Variants in BTBD9 observed in about 807,000 individuals in gnomAD.
BTBD9 encodes the protein BTB domain containing 9.
Under a neutral mutation model 64.3 loss-of-function variants are expected in BTBD9, and 49 were observed. The observed-to-expected ratio is 0.76, with a 90% CI of 0.61 to 0.97. The LOEUF (loss-of-function observed/expected upper bound fraction) is 0.97, where lower values mean the gene tolerates loss of function less well. Among genes scored for constraint, BTBD9 ranks in the 50% least tolerant of loss-of-function variants. The pLI is 0.00. For synonymous variants in BTBD9, 260 were observed against 274.7 expected (o/e 0.95, Z 0.53); for missense variants, 598 against 762.1 (o/e 0.78, Z 2.53).
chr6:38,469,323 T>G (rs1408718725), intron 6 of BTBD9, among the ~76,000 whole-genome samples: 2 of 47,594 alleles, frequency 4.2e-5, no homozygotes, highest in Non-Finnish European at 1.2e-4. Context: ...TTTTTTTTCC[T>G]TTTTTTTTTT....
At chr6:38,282,994 A>C (rs1020104347) in intron 8 of BTBD9, among the ~76,000 whole-genome samples, 7 of 152,232 alleles carry the variant, frequency 4.6e-5, no homozygotes, top group African/African-American at 1.7e-4. Flanking sequence ...CCATATCCCC[A>C]GTGCCTACAA....
intron 9 of BTBD9, among the ~76,000 whole-genome samples, chr6:38,252,043 T>C (rs1582115946): frequency 6.6e-6 from 1 of 152,186 alleles, no homozygotes; most frequent in East Asian, 1.9e-4. Flanking sequence ...AATGACTGCT[T>C]ATCCTGAAAA....
intron 10 of BTBD9, among the ~76,000 whole-genome samples, chr6:38,186,456 G>C (rs1246275140): frequency 6.6e-6 from 1 of 152,160 alleles, no homozygotes; most frequent in Non-Finnish European, 1.5e-5. Flanking sequence ...TCCTCCATAT[G>C]ACTATAGAAA....
chr6:38,301,339 T>G (rs1454684378), intron 7 of BTBD9, among the ~76,000 whole-genome samples: 1 of 152,226 alleles, frequency 6.6e-6, no homozygotes, highest in Non-Finnish European at 1.5e-5. Context: ...GTTGTGTCTC[T>G]GCCAGGCTTT....
intron 6 of BTBD9, among the ~76,000 whole-genome samples, chr6:38,500,174 A>G (rs1582533556): frequency 6.6e-6 from 1 of 151,728 alleles, no homozygotes; most frequent in Non-Finnish European, 1.5e-5. Flanking sequence ...GCCCTTAATG[A>G]GGTCTCCAGA....
intron 6 of BTBD9, among the ~76,000 whole-genome samples, chr6:38,556,815 G>A (rs1410686210): frequency 6.0e-5 from 9 of 151,002 alleles, no homozygotes; most frequent in Admixed American, 3.3e-4. Flanking sequence ...TCAGGAGTTC[G>A]AGATCAGCCT....
chr6:38,298,588 T>C (rs1243591790), intron 7 of BTBD9, among the ~76,000 whole-genome samples: 1 of 152,170 alleles, frequency 6.6e-6, no homozygotes, highest in Admixed American at 6.5e-5. Context: ...CAACAAACAT[T>C]AGAACTGATT....
chr6:38,434,709 T>C (rs1032951936), intron 6 of BTBD9, among the ~76,000 whole-genome samples: 4 of 151,998 alleles, frequency 2.6e-5, no homozygotes, highest in African/African-American at 7.3e-5. Flanking sequence ...CAAATTCAAA[T>C]AGCTTTCTCT....
intron 7 of BTBD9, among the ~76,000 whole-genome samples, chr6:38,319,095 C>G (rs1763135949): frequency 6.6e-6 from 1 of 152,156 alleles, no homozygotes; most frequent in Non-Finnish European, 1.5e-5. Context: ...ACTTCAGGCC[C>G]AAGGGCTCTT....
At chr6:38,515,256 C>T (rs1452291003) in intron 6 of BTBD9, among the ~76,000 whole-genome samples, 17 of 152,144 alleles carry the variant, frequency 1.1e-4, no homozygotes. Context: ...TCTTAAAGAG[C>T]GGATTTAATG....
In BTBD9 at chr6:38,174,925, A is replaced by C; in HGVS notation, c.*60T>G. 1 of 1,587,546 alleles carries C rather than the reference A, an allele frequency of 6.3e-7. No homozygotes were observed. Among genetic ancestry groups the C allele is most frequent in the Non-Finnish European group, 8.6e-7 (1 of 1,164,210 alleles). The stretch of plus-strand genomic sequence containing the variant: ...AGTCAACAGAGACCCCTGCTCAGGG[A>C]GGAGACCGTTTCCTGCCGTTGCCCG... On this transcript the variant is annotated 3_prime_UTR_variant, in exon 11 of 11. Transcript: ENST00000481247.
intron 6 of BTBD9, among the ~76,000 whole-genome samples, chr6:38,568,560 T>C (rs1775622323): frequency 6.6e-6 from 1 of 152,176 alleles, no homozygotes; most frequent in South Asian, 2.1e-4. Context: ...TTGCATTCTG[T>C]TCCTTCCTTG....
intron 6 of BTBD9, among the ~76,000 whole-genome samples, chr6:38,573,953 A>G (rs944422180): frequency 6.6e-5 from 10 of 152,220 alleles, no homozygotes; most frequent in Non-Finnish European, 1.3e-4. Context: ...TTATGGGTAA[A>G]GCGGAAATTG....
chr6:38,432,719 C>T lies in BTBD9; in HGVS notation c.1155-87626G>A, dbSNP rs570180370. 5.9e-5 allele frequency among the ~76,000 whole-genome samples: 9 copies of T among 152,042 alleles called. No homozygotes were observed. The South Asian group carries it at 1.9e-3, about 32-fold the overall frequency. On this transcript the variant is annotated intron_variant, in intron 6 of 10. Transcript: ENST00000481247. Reference sequence around the variant, plus strand: ...TTCAACAGGTCCTGTGGCACACACCCTCCCCACCTAGAGGCAGATTCAGTG... The same window carrying T: ...TTCAACAGGTCCTGTGGCACACACCTTCCCCACCTAGAGGCAGATTCAGTG...
chr6:38,455,249 A>C, intron 6 of BTBD9, among the ~76,000 whole-genome samples: 1 of 152,158 alleles, frequency 6.6e-6, no homozygotes, highest in South Asian at 2.1e-4. Context: ...CCATTACCCC[A>C]AAACTTGGGC....
chr6:38,382,228 A>T (rs1359449725), intron 6 of BTBD9, among the ~76,000 whole-genome samples: 1 of 152,200 alleles, frequency 6.6e-6, no homozygotes, highest in Non-Finnish European at 1.5e-5. Flanking sequence ...AGCAGCCCAC[A>T]CTGCTGGTGA....
chr6:38,230,445 A>G (rs562365872), intron 9 of BTBD9, among the ~76,000 whole-genome samples: 75 of 142,928 alleles, frequency 5.2e-4, no homozygotes, highest in Admixed American at 1.7e-3. Flanking sequence ...TGGTGAGCCG[A>G]GATCGTGACA....
intron 4 of BTBD9, among the ~76,000 whole-genome samples, chr6:38,584,485 C>A (rs1003822667): frequency 6.6e-6 from 1 of 152,144 alleles, no homozygotes; most frequent in Middle Eastern, 3.2e-3. Flanking sequence ...GCAGAATGTA[C>A]CCCTAGCTAC....
In BTBD9 at chr6:38,228,077, C is replaced by A. The variant is rs547906272; in HGVS notation, c.1562+28332G>T. Among the ~76,000 whole-genome samples, 119 of 152,110 alleles carry A rather than the reference C, an allele frequency of 7.8e-4. 2 individuals are homozygous for A. The South Asian group carries it at 0.014, about 18-fold the overall frequency. ...AAAATGTATAACACCAGGAGTCAAC[C>A]CTGGCCAGGCACAGTGGCTCAAACC... On this transcript the variant is annotated intron_variant, in intron 9 of 10. Coordinates refer to ENST00000481247, the MANE Select transcript of BTBD9 (RefSeq NM_001099272.2).
Sources: allele counts gnomAD v4.1 joint callset (sites outside exome capture counted in the v4.1 genomes callset), GRCh38; gene constraint gnomAD v4.1.1; transcripts MANE v1.5; gene names NCBI Gene and HGNC (gene_info 2026-07-23, HGNC 2026-07-21).